Variants in SIPA1L1 observed in about 807,000 individuals in gnomAD.
SIPA1L1 encodes the protein signal induced proliferation associated 1 like 1.
A neutral mutation model predicts 162.7 loss-of-function variants in SIPA1L1; 26 were observed. The observed-to-expected ratio is 0.16, with a 90% confidence interval of 0.12 to 0.22. The LOEUF (loss-of-function observed/expected upper bound fraction) is 0.22. Ranked by LOEUF, SIPA1L1 falls within the 10% of genes least tolerant of loss-of-function variation. SIPA1L1 has a pLI of 1.00. For synonymous variants in SIPA1L1, 829 were observed against 837.4 expected, an observed-to-expected ratio of 0.99 and a Z score of 0.17; for missense variants, 1,874 against 2,241.0, an observed-to-expected ratio of 0.84 and a Z score of 3.31.
chr14:71,389,532 C>T (rs1246878565), intron 2 of SIPA1L1, among the ~76,000 whole-genome samples: 1 of 152,130 alleles, frequency 6.6e-6, no homozygotes, highest in Non-Finnish European at 1.5e-5. Flanking sequence ...TTTTCCACCA[C>T]TATTTTTTAT....
chr14:71,624,381 T>C (rs2039756133), intron 7 of SIPA1L1, 145 bp downstream of exon 7: 1 of 685,412 alleles, frequency 1.5e-6, no homozygotes, highest in South Asian at 2.7e-5. Flanking sequence ...ACTCATTTTG[T>C]TTTTTCTTAA....
chr14:71,330,474 TA>T (rs1345046662), intron 2 of SIPA1L1: 1 of 1,606,266 alleles, frequency 6.2e-7, no homozygotes, highest in East Asian at 2.2e-5. Flanking sequence ...CATTCACAGC[TA>T]GAACTTGGTC....
chr14:71,502,003 A>T (rs1316072005), intron 2 of SIPA1L1, among the ~76,000 whole-genome samples: 3 of 143,614 alleles, frequency 2.1e-5, no homozygotes, highest in South Asian at 4.3e-4. Context: ...CTGCCAGTAC[A>T]CTCTACCCTG....
intron 13 of SIPA1L1, among the ~76,000 whole-genome samples, chr14:71,698,088 C>A (rs1221033054): frequency 6.6e-6 from 1 of 152,160 alleles, no homozygotes; most frequent in Non-Finnish European, 1.5e-5. Flanking sequence ...AAATGACCTC[C>A]CCTGCTACAA....
At chr14:71,396,230 A>C (rs1194818190) in intron 2 of SIPA1L1, among the ~76,000 whole-genome samples, 1 of 152,170 alleles carries the variant, frequency 6.6e-6, no homozygotes, top group East Asian at 1.9e-4. Context: ...AGATCCCATC[A>C]ATATGCTGGT....
At chr14:71,344,824 C>T (rs1257162342) in intron 2 of SIPA1L1, among the ~76,000 whole-genome samples, 1 of 152,162 alleles carries the variant, frequency 6.6e-6, no homozygotes, top group Non-Finnish European at 1.5e-5. Flanking sequence ...CTTCAGTCTC[C>T]CAAACTGCTA....
chr14:71,614,852 A>G (rs752031112), intron 5 of SIPA1L1, among the ~76,000 whole-genome samples: 77 of 152,228 alleles, frequency 5.1e-4, no homozygotes, highest in Non-Finnish European at 9.8e-4. Flanking sequence ...TTAACAAAGT[A>G]ACCTTATTAA....
intron 2 of SIPA1L1, among the ~76,000 whole-genome samples, chr14:71,465,649 A>G (rs775062606): frequency 8.5e-5 from 13 of 152,194 alleles, no homozygotes; most frequent in East Asian, 1.9e-4. Flanking sequence ...CCCGAAACCA[A>G]TGAAAGAACT....
intron 2 of SIPA1L1, among the ~76,000 whole-genome samples, chr14:71,399,080 A>T (rs186489435): frequency 1.3e-5 from 2 of 152,322 alleles, no homozygotes; most frequent in East Asian, 3.9e-4. Flanking sequence ...CTTATTTTTG[A>T]GAATAAGGAA....
intron 2 of SIPA1L1, among the ~76,000 whole-genome samples, chr14:71,506,914 T>C (rs2050725143): frequency 6.6e-6 from 1 of 151,292 alleles, no homozygotes; most frequent in African/African-American, 2.4e-5. Context: ...TCCACCCACC[T>C]CTGCCTCCCA....
At chr14:71,599,184 C>T (rs1051990658) in intron 5 of SIPA1L1, among the ~76,000 whole-genome samples, 22 of 120,272 alleles carry the variant, frequency 1.8e-4, no homozygotes, top group African/African-American at 6.6e-4. Context: ...GAGTTTTGCA[C>T]TTGTCTCCCA....
intron 4 of SIPA1L1, among the ~76,000 whole-genome samples, chr14:71,547,632 T>C (rs1484579972): frequency 1.9e-4 from 29 of 152,184 alleles, no homozygotes; most frequent in Admixed American, 1.9e-3. Context: ...TCTAGAATAA[T>C]TATTTTGTTC....
chr14:71,342,642 G>A (rs371318380), intron 2 of SIPA1L1, among the ~76,000 whole-genome samples: 24 of 152,286 alleles, frequency 1.6e-4, no homozygotes, highest in African/African-American at 5.5e-4. Flanking sequence ...ATTATGATGG[G>A]AAAGGAGTAC....
At chr14:71,422,943 C>T (rs944031390) in intron 2 of SIPA1L1, among the ~76,000 whole-genome samples, 2 of 152,138 alleles carry the variant, frequency 1.3e-5, no homozygotes, top group East Asian at 1.9e-4. Context: ...ACATTCCTAC[C>T]AACAGTGCAC....
chr14:71,676,239 C>T (rs945844593), intron 12 of SIPA1L1, among the ~76,000 whole-genome samples: 1 of 151,570 alleles, frequency 6.6e-6, no homozygotes, highest in Admixed American at 6.6e-5. Flanking sequence ...TTGCAATGAG[C>T]TGAGATCGTG....
intron 4 of SIPA1L1, chr14:71,573,863 T>C (rs1305552583): frequency 2.7e-6 from 1 of 376,234 alleles, no homozygotes; most frequent in Non-Finnish European, 5.3e-6. Flanking sequence ...TTGATGCTTA[T>C]TATACTCAGA....
At chr14:71,580,850 A>G (rs1410295121) in intron 4 of SIPA1L1, among the ~76,000 whole-genome samples, 1 of 152,174 alleles carries the variant, frequency 6.6e-6, no homozygotes, top group South Asian at 2.1e-4. Context: ...TCTGATTATG[A>G]AGGTGACACA....
At chr14:71,447,714 C>CCA (rs1262829540) in intron 2 of SIPA1L1, among the ~76,000 whole-genome samples, 4 of 151,860 alleles carry the variant, frequency 2.6e-5, no homozygotes, top group Non-Finnish European at 5.9e-5. Flanking sequence ...CAGGTGTGTG[C>CCA]CACCACACCT....
At chr14:71,331,877 A>G (rs2034586021) in intron 2 of SIPA1L1, among the ~76,000 whole-genome samples, 1 of 152,216 alleles carries the variant, frequency 6.6e-6, no homozygotes. Flanking sequence ...AAAAACAGAA[A>G]ACTGATCTGG....
Sources: allele counts gnomAD v4.1 joint callset (sites outside exome capture counted in the v4.1 genomes callset), GRCh38; gene constraint gnomAD v4.1.1; transcripts MANE v1.5; gene names NCBI Gene and HGNC (gene_info 2026-07-23, HGNC 2026-07-21).